Variants in SOD2 observed in about 807,000 individuals in gnomAD.
SOD2 encodes the protein superoxide dismutase 2.
SOD2 carries 11 observed loss-of-function variants against 27.0 expected under a neutral mutation model. That is an observed-to-expected ratio of 0.41 (90% CI 0.26 to 0.67). SOD2 has a LOEUF of 0.67. Among genes scored for constraint, SOD2 ranks in the 30% least tolerant of loss-of-function variants. The pLI, the probability that SOD2 is intolerant of heterozygous loss-of-function variation, is 0.34. For synonymous variants in SOD2, 105 were observed against 103.0 expected, an observed-to-expected ratio of 1.02 and a Z score of -0.12; for missense variants, 250 against 274.5, an observed-to-expected ratio of 0.91 and a Z score of 0.63.
At chr6:159,731,465 C>T (rs1172478943), upstream of SOD2, among the ~76,000 whole-genome samples, 2 of 151,930 alleles carry the variant, frequency 1.3e-5, no homozygotes, top group Admixed American at 1.3e-4. Flanking sequence ...GAGACTCTGT[C>T]TCAAAAAAAG....
Position 159,681,703 on chromosome 6 carries a change from T to C in SOD2, c.*790A>G, listed in dbSNP as rs1429833876. ...CACCCTGAAGGCACCCGATCTCGACTGATTTACAATTTTGCCTTTAACTTC... is the reference window on the plus strand; with the variant it reads ...CACCCTGAAGGCACCCGATCTCGACCGATTTACAATTTTGCCTTTAACTTC... On this transcript the variant is annotated 3_prime_UTR_variant, in exon 5 of 5. Coordinates refer to ENST00000538183, the MANE Select transcript of SOD2 (RefSeq NM_000636.4). 1 of 152,248 alleles carries C rather than the reference T, an allele frequency of 6.6e-6. No individual in the cohort carries two copies. The highest frequency in any genetic ancestry group is 1.9e-4 in the East Asian group (1 of 5,198). The allele number at this position is 152,248 out of a possible 1,614,324, so 9.4% of individuals were successfully genotyped here.
At chr6:159,713,473 C>G (rs1248211029) in intron 1 of SOD2, 1 of 662,470 alleles carries the variant, frequency 1.5e-6, no homozygotes, top group African/African-American at 1.8e-5. Flanking sequence ...GTGCCCTATT[C>G]TTTCCCTGTG....
intron 1 of SOD2, chr6:159,753,569 G>T: frequency 6.2e-7 from 1 of 1,614,168 alleles, no homozygotes; most frequent in Non-Finnish European, 8.5e-7. Flanking sequence ...AGCAGAGTTG[G>T]CTTTACAGAA....
intron 1 of SOD2, among the ~76,000 whole-genome samples, chr6:159,750,351 GT>G (rs888575511): frequency 4.6e-5 from 7 of 151,934 alleles, no homozygotes; most frequent in African/African-American, 7.3e-5. Flanking sequence ...GAGTTCTATG[GT>G]TTTTTTCTTG....
intron 1 of SOD2, among the ~76,000 whole-genome samples, chr6:159,734,141 A>G (rs1778759423): frequency 6.6e-6 from 1 of 152,166 alleles, no homozygotes; most frequent in Non-Finnish European, 1.5e-5. Flanking sequence ...CTCAAAATCA[A>G]GTGGGAGAAA....
chr6:159,698,736 A>T (rs1001273762), intron 1 of SOD2, among the ~76,000 whole-genome samples: 3 of 152,058 alleles, frequency 2.0e-5, no homozygotes, highest in African/African-American at 7.2e-5. Context: ...AGAAGACAAT[A>T]ACAAAGTTGA....
chr6:159,712,215 C>T (rs1314933159), intron 1 of SOD2, among the ~76,000 whole-genome samples: 4 of 125,868 alleles, frequency 3.2e-5, no homozygotes, highest in Non-Finnish European at 7.0e-5. Flanking sequence ...ACCATAACCA[C>T]CTCCATAACC....
chr6:159,757,290 T>C (rs539229512), intron 1 of SOD2, among the ~76,000 whole-genome samples: 1 of 152,234 alleles, frequency 6.6e-6, no homozygotes, highest in South Asian at 2.1e-4. Flanking sequence ...ACTCGAAAAC[T>C]GAGGTACAAC....
intron 1 of SOD2, among the ~76,000 whole-genome samples, chr6:159,757,696 C>G (rs1239124960): frequency 6.6e-6 from 1 of 152,142 alleles, no homozygotes; most frequent in African/African-American, 2.4e-5. Flanking sequence ...CAGGTGTGAG[C>G]CACCGCGCCC....
chr6:159,731,481 A>G (rs907518733), upstream of SOD2, among the ~76,000 whole-genome samples: 9 of 152,132 alleles, frequency 5.9e-5, no homozygotes, highest in Non-Finnish European at 1.2e-4. Context: ...AAAAGAGAGG[A>G]AAAAAAGAAA....
intron 1 of SOD2, among the ~76,000 whole-genome samples, chr6:159,715,987 G>A (rs1777916416): frequency 6.6e-6 from 1 of 151,732 alleles, no homozygotes; most frequent in Non-Finnish European, 1.5e-5. Context: ...TCTTATAAAA[G>A]TTTGGTTTTC....
intron 1 of SOD2, among the ~76,000 whole-genome samples, chr6:159,743,280 C>T (rs2114927013): frequency 6.6e-6 from 1 of 152,348 alleles, no homozygotes; most frequent in East Asian, 1.9e-4. Context: ...CTCCTGACCT[C>T]AGGTGATCTA....
chr6:159,688,362 G>A (rs550243097), intron 2 of SOD2, 120 bp from the exon 3 acceptor site: 33 of 659,738 alleles, frequency 5.0e-5, no homozygotes, highest in African/African-American at 4.2e-4. Flanking sequence ...TATAACATCC[G>A]TTTGTCCTAA....
Position 159,677,305 on chromosome 6 carries a change from A to G in SOD2, c.*5188T>C, listed in dbSNP as rs1445458103. 1.3e-5 allele frequency: 2 copies of G among 151,942 alleles called. No homozygotes were observed. Among genetic ancestry groups the G allele is most frequent in the Non-Finnish European group, 1.5e-5 (1 of 67,994 alleles). 9.4% of individuals were successfully genotyped at this position (151,942 alleles called of 1,614,324 possible). The stretch of plus-strand genomic sequence containing the variant: ...CTTTTCACAAACTGAGAAATCTTAA[A>G]TTTTTTTTAACGTGTCCCAGAAGCA... On this transcript the variant is annotated 3_prime_UTR_variant, in exon 5 of 5. Coordinates refer to ENST00000538183, the MANE Select transcript of SOD2 (RefSeq NM_000636.4).
chr6:159,732,378 T>C (rs1372087552), intron 1 of SOD2, among the ~76,000 whole-genome samples: 1 of 152,192 alleles, frequency 6.6e-6, no homozygotes, highest in Non-Finnish European at 1.5e-5. Flanking sequence ...TATAGCTGTT[T>C]TCAAACTGTC....
chr6:159,682,576 C>G lies in SOD2; in HGVS notation c.586G>C (p.Val196Leu), dbSNP rs1277428959. 6.2e-7 allele frequency: 1 copy of G among 1,613,976 alleles called. No homozygotes were observed. ...EHAYYLQYKN[V>L]RPDYLKAIWN... ...ATAGCTTTTAGATAATCAGGCCTGA[C>G]ATTTTTATACTGAAGGTAGTAAGCG... Residue 196 changes from valine to leucine, a missense_variant, in exon 5 of 5, where the codon GTC becomes CTC. Val to Leu is a conservative substitution (Grantham distance 32). Transcript: ENST00000538183.
At position 159,677,951 on chromosome 6, in the gene SOD2, G is replaced by T. The variant is rs1260798544; in HGVS notation, c.*4542C>A. On this transcript the variant is annotated 3_prime_UTR_variant, in exon 5 of 5. Transcript: ENST00000538183. ...AGCCTCTAGGTAGCTTCAGGACGGG[G>T]GGCTGCTTACCAGAAAGACCAAGGC... The T allele has an allele frequency of 6.6e-6, 1 of 152,104 alleles. No individual in the cohort carries two copies. The highest frequency in any genetic ancestry group is 2.4e-5 in the African/African-American group (1 of 41,412). The allele number at this position is 152,104 out of a possible 1,614,324, so 9.4% of individuals were successfully genotyped here.
chr6:159,742,449 C>T (rs1244312442), intron 1 of SOD2, among the ~76,000 whole-genome samples: 1 of 152,078 alleles, frequency 6.6e-6, no homozygotes, highest in South Asian at 2.1e-4. Context: ...TGTCCCTAAC[C>T]CCTTCTGCAT....
chr6:159,712,365 T>A (rs1290238955), intron 1 of SOD2, among the ~76,000 whole-genome samples: 1 of 113,892 alleles, frequency 8.8e-6, no homozygotes, highest in Non-Finnish European at 1.9e-5. Context: ...ACTCAGCTGC[T>A]CTGACCTCCA....
Sources: gnomAD v4.1 joint callset for allele counts (sites outside exome capture counted in the v4.1 genomes callset) on GRCh38, gnomAD v4.1.1 for gene constraint, MANE v1.5 for transcripts, NCBI Gene and HGNC (gene_info 2026-07-23, HGNC 2026-07-21) for gene names.